UBE2F: variants seen among roughly 807,000 people sequenced by gnomAD.
UBE2F encodes the protein ubiquitin conjugating enzyme E2 F (putative).
Under a neutral mutation model 29.6 loss-of-function variants are expected in UBE2F, and 5 were observed. That is an observed-to-expected ratio of 0.17 (90% CI 0.09 to 0.36). UBE2F has a LOEUF of 0.36. Ranked by LOEUF, UBE2F falls within the 10% of genes least tolerant of loss-of-function variation. UBE2F has a pLI of 1.00. For synonymous variants in UBE2F, 66 were observed against 81.8 expected (o/e 0.81, Z 1.04); for missense variants, 141 against 228.5 (o/e 0.62, Z 2.47).
rs1465644101 is a variant in UBE2F at position 238,040,010 on chromosome 2, A to G, written c.508-1278A>G. On this transcript the variant is annotated intron_variant, in intron 9 of 9. Transcript: ENST00000272930. This position sits in a 1 kb window ranked among gnomAD's most constrained non-coding sequence, Gnocchi z 4.4. ...GCACAGTCCCCCTTTGTTGCGGGGT[A>G]AAGGCCCATGTGGGAGGCTCCAAAC... is the stretch of plus-strand genomic sequence containing the variant. Among the ~76,000 whole-genome samples the G allele has an allele frequency of 6.6e-6, 1 of 152,188 alleles. No individual in the cohort carries two copies. Among genetic ancestry groups the G allele is most frequent in the Admixed American group, 6.5e-5 (1 of 15,278 alleles).
In UBE2F at chr2:237,973,157, C is replaced by T. The variant is rs762910365; in HGVS notation, c.50C>T (p.Ser17Phe). 3 of 1,614,062 alleles carry T rather than the reference C, an allele frequency of 1.9e-6. No individual in the cohort carries two copies. The highest frequency in any genetic ancestry group is 2.5e-6 in the Non-Finnish European group (3 of 1,179,974). ...AAGCGTGACGATGGTCTCAAAGGGT[C>T]CCGGACGGCAGCCACAGCGTCCGAC... is the stretch of plus-strand genomic sequence containing the variant. ...KLKRDDGLKGSRTAATASDST... is the reference protein window; with the variant it reads ...KLKRDDGLKGFRTAATASDST... The change falls in exon 2 of 10, where the codon TCC (serine) becomes TTC (phenylalanine). Residue 17 changes from serine (S) to phenylalanine (F), a missense_variant. By Grantham distance (155) the Ser-to-Phe change is radical. Transcript: ENST00000272930.
intron 6 of UBE2F, among the ~76,000 whole-genome samples, chr2:238,027,101 C>T (rs1354493689): frequency 2.0e-5 from 3 of 152,134 alleles, no homozygotes; most frequent in Admixed American, 6.5e-5. Flanking sequence ...TCCCTTTTGC[C>T]GTCTTCTGGG....
Position 237,967,832 on chromosome 2 carries a change from G to C in UBE2F, c.-17+700G>C, listed in dbSNP as rs114300709. Among the ~76,000 whole-genome samples the C allele has an allele frequency of 6.6e-6, 1 of 152,202 alleles. No individual in the cohort carries two copies. Among genetic ancestry groups the C allele is most frequent in the Non-Finnish European group, 1.5e-5 (1 of 68,044 alleles). ...CTTGGTTCCAGACCTAGTTCTGCTGGTGTGTCATCTTGGGTGTGGCCTTCC... is the reference window on the plus strand; with the variant it reads ...CTTGGTTCCAGACCTAGTTCTGCTGCTGTGTCATCTTGGGTGTGGCCTTCC... On this transcript the variant is annotated intron_variant, in intron 1 of 9. Coordinates refer to ENST00000272930, the MANE Select transcript of UBE2F (RefSeq NM_080678.3). This position sits in a 1 kb window ranked among gnomAD's most constrained non-coding sequence, Gnocchi z 6.3.
Position 238,033,563 on chromosome 2 carries a change from G to A in UBE2F, c.444+1309G>A, listed in dbSNP as rs548291249. 9.9e-5 allele frequency among the ~76,000 whole-genome samples: 15 copies of A among 152,258 alleles called. No homozygotes were observed. In the East Asian group the frequency reaches 2.9e-3, roughly 29 times the overall value. The stretch of plus-strand genomic sequence containing the variant: ...ACCTGCAGGACTCAGTTAAACTAGG[G>A]GCGGGTCTGCTCTTACTTGTCCTGT... On this transcript the variant is annotated intron_variant, in intron 8 of 9. Transcript: ENST00000272930.
intron 6 of UBE2F, among the ~76,000 whole-genome samples, chr2:238,026,722 C>T (rs905045933): frequency 6.6e-6 from 1 of 152,128 alleles, no homozygotes; most frequent in Non-Finnish European, 1.5e-5. Flanking sequence ...TGTGAGCCAC[C>T]GCGCCGGGCC....
intron 1 of UBE2F, among the ~76,000 whole-genome samples, chr2:237,968,499 C>T (rs1576582055): frequency 6.6e-6 from 1 of 152,232 alleles, no homozygotes; most frequent in East Asian, 1.9e-4. Context: ...ACCCGCAGTC[C>T]CATCCTTTAT....
chr2:238,011,190 G>A (rs1221240364), intron 4 of UBE2F, among the ~76,000 whole-genome samples: 1 of 152,182 alleles, frequency 6.6e-6, no homozygotes, highest in African/African-American at 2.4e-5. Flanking sequence ...ACATGCAGGG[G>A]CCTGCAGGGC....
chr2:237,989,645 G>A (rs568345477), intron 3 of UBE2F, among the ~76,000 whole-genome samples: 52 of 152,108 alleles, frequency 3.4e-4, no homozygotes, highest in African/African-American at 1.1e-3. Flanking sequence ...GAGCCACTGC[G>A]CCCAGCCAAA....
intron 5 of UBE2F, among the ~76,000 whole-genome samples, chr2:238,019,152 T>C (rs772555584): frequency 2.2e-4 from 33 of 152,190 alleles, no homozygotes; most frequent in Non-Finnish European, 4.4e-4. Context: ...CTGTGTGCTG[T>C]GTTTGACCTT....
intron 2 of UBE2F, among the ~76,000 whole-genome samples, chr2:237,977,353 C>G (rs1288036593): frequency 6.6e-6 from 1 of 152,244 alleles, no homozygotes; most frequent in Non-Finnish European, 1.5e-5. Context: ...GGCAGTAGAA[C>G]TCAGTGTAAC....
intron 2 of UBE2F, chr2:237,973,838 A>T: frequency 4.0e-6 from 2 of 501,394 alleles, no homozygotes; most frequent in Non-Finnish European, 5.4e-6. Flanking sequence ...ATGTTTGAGC[A>T]TAAATTTTGC....
intron 4 of UBE2F, among the ~76,000 whole-genome samples, chr2:238,008,650 A>T (rs1317830311): frequency 6.6e-6 from 1 of 151,946 alleles, no homozygotes; most frequent in Non-Finnish European, 1.5e-5. Flanking sequence ...TGTTTTTTGA[A>T]TTTTGTTCAT....
Position 237,980,566 on chromosome 2 carries a change from G to T in UBE2F, c.118+7341G>T, listed in dbSNP as rs1028668919. Among the ~76,000 whole-genome samples, 10 of 152,126 alleles carry T rather than the reference G, an allele frequency of 6.6e-5. No individual in the cohort carries two copies. The East Asian group carries it at 9.6e-4, about 15-fold the overall frequency. ...ATTACCTCCAAATACCATCACATTG[G>T]GGGTTAGAGCTTCAACATATGAATT... On this transcript the variant is annotated intron_variant, in intron 2 of 9. Transcript: ENST00000272930.
rs1166959928 is a variant in UBE2F, at chr2:238,042,431, T to G, written c.*1093T>G. Reference sequence around the variant, plus strand: ...CCAGGCCCTGCCGGTGGGGTGAGCCTCCTAGGCCTTGGAGGACCAGGAGTC... The same window carrying G: ...CCAGGCCCTGCCGGTGGGGTGAGCCGCCTAGGCCTTGGAGGACCAGGAGTC... On this transcript the variant is annotated 3_prime_UTR_variant, in exon 10 of 10. Transcript: ENST00000272930. 1 of 152,276 alleles carries G rather than the reference T, an allele frequency of 6.6e-6. No individual in the cohort carries two copies. The highest frequency in any genetic ancestry group is 1.5e-5 in the Non-Finnish European group (1 of 68,090). The allele number at this position is 152,276 out of a possible 1,614,324, so 9.4% of individuals were successfully genotyped here. A position where few individuals can be genotyped will look rare whatever the true frequency, so the allele number is the denominator to read the frequency against.
intron 4 of UBE2F, among the ~76,000 whole-genome samples, chr2:238,014,011 G>A (rs777776883): frequency 1.3e-5 from 2 of 152,190 alleles, no homozygotes; most frequent in Non-Finnish European, 2.9e-5. Context: ...TTCTCAATGA[G>A]TCCACTACCT....
At chr2:237,983,906 A>G (rs1035706489) in intron 2 of UBE2F, among the ~76,000 whole-genome samples, 1 of 151,564 alleles carries the variant, frequency 6.6e-6, no homozygotes, top group Non-Finnish European at 1.5e-5. Context: ...TGCTTTCTCC[A>G]AGGTCCTTTT....
At chr2:238,041,239 A>C in intron 9 of UBE2F, 49 bp from the exon 10 acceptor site, 1 of 1,580,794 alleles carries the variant, frequency 6.3e-7, no homozygotes, top group Non-Finnish European at 8.7e-7. Context: ...TCACTCACTC[A>C]CTCACTCCTC....
intron 9 of UBE2F, among the ~76,000 whole-genome samples, chr2:238,038,273 G>T (rs1221382256): frequency 3.3e-5 from 5 of 152,224 alleles, no homozygotes; most frequent in Admixed American, 6.5e-5. Context: ...TGTCCTGAGG[G>T]CTGGAGCAGC....
intron 1 of UBE2F, 54 bp from the exon 2 acceptor site, chr2:237,973,038 T>A (rs1229306806): frequency 6.5e-7 from 1 of 1,531,168 alleles, no homozygotes; most frequent in East Asian, 2.3e-5. Flanking sequence ...TCTCAGTGTC[T>A]AATTAGTCTC....
Sources: allele counts gnomAD v4.1 joint callset (sites outside exome capture counted in the v4.1 genomes callset), GRCh38; gene constraint gnomAD v4.1.1; non-coding constraint Gnocchi (gnomAD v3.1); transcripts MANE v1.5; gene names NCBI Gene and HGNC (gene_info 2026-07-23, HGNC 2026-07-21).